The following STAT5B variants were observed in gnomAD, a reference collection of about 807,000 sequenced individuals.
The protein encoded by STAT5B is signal transducer and activator of transcription 5B.
Under a neutral mutation model 107.8 loss-of-function variants are expected in STAT5B, and 21 were observed. The observed-to-expected ratio is 0.19, with a 90% CI of 0.14 to 0.28. STAT5B has a LOEUF of 0.28. Ranked by LOEUF, STAT5B falls within the 10% of genes least tolerant of loss-of-function variation. The pLI is 1.00. For missense variants in STAT5B, 565 were observed against 1,008.2 expected (o/e 0.56, Z 5.95); for synonymous variants, 325 against 401.7 (o/e 0.81, Z 2.28).
chr17:42,235,989 C>A (rs953413907), intron 1 of STAT5B, among the ~76,000 whole-genome samples: 1 of 152,152 alleles, frequency 6.6e-6, no homozygotes. Context: ...AAATGTCACT[C>A]TATTTTGCCT....
In STAT5B at chr17:42,212,086, G is replaced by A. The variant is rs1239194601; in HGVS notation, c.1578C>T (p.Thr526=). The A allele has an allele frequency of 5.6e-6, 9 of 1,614,140 alleles. No individual in the cohort carries two copies. The highest frequency in any genetic ancestry group is 2.2e-5 in the South Asian group (2 of 91,080). ...GCGCCAGGAACACGAGGTTCTCCTT[G>A]GTCAGGCCCCGGTTGCTCTGCACTT... is the stretch of plus-strand genomic sequence containing the variant. ...KAEVQSNRGL[T]KENLVFLAQK... Residue 526 remains threonine, a synonymous_variant, in exon 13 of 19, where the codon ACC becomes ACT. Transcript: ENST00000293328.
intron 1 of STAT5B, among the ~76,000 whole-genome samples, chr17:42,249,467 C>T (rs963848076): frequency 1.3e-5 from 2 of 152,004 alleles, no homozygotes; most frequent in Non-Finnish European, 2.9e-5. Context: ...CCCTAGTCAA[C>T]TGATAAAAAA....
chr17:42,251,892 G>T (rs1402564388), intron 1 of STAT5B, among the ~76,000 whole-genome samples: 5 of 151,802 alleles, frequency 3.3e-5, no homozygotes, highest in Non-Finnish European at 7.4e-5. Context: ...CCAGCTACTG[G>T]GGAGGCTGAG....
intron 17 of STAT5B, 75 bp downstream of exon 17, chr17:42,202,682 G>T: frequency 1.2e-6 from 2 of 1,610,098 alleles, no homozygotes; most frequent in Non-Finnish European, 1.7e-6. Context: ...AGCTGGGCCA[G>T]GATAAGGATG....
At chr17:42,236,648 G>C (rs1191913600) in intron 1 of STAT5B, among the ~76,000 whole-genome samples, 5 of 152,178 alleles carry the variant, frequency 3.3e-5, no homozygotes, top group African/African-American at 7.2e-5. Context: ...TGTTGGCCAG[G>C]TTGGTCTTGA....
intron 1 of STAT5B, among the ~76,000 whole-genome samples, chr17:42,263,123 CT>C (rs1325342603): frequency 1.4e-5 from 2 of 146,976 alleles, no homozygotes; most frequent in Non-Finnish European, 3.0e-5. Flanking sequence ...GCAGCCTCCA[CT>C]TCCCAGGTTC....
chr17:42,207,685 G>A lies in STAT5B; in HGVS notation c.1950C>T (p.Asp650=), dbSNP rs973333781. Residue 650 remains aspartate (D), a synonymous_variant, in exon 16 of 19, where the codon GAC becomes GAT. Coordinates refer to ENST00000293328, the MANE Select transcript of STAT5B (RefSeq NM_012448.4). The stretch of plus-strand genomic sequence containing the variant: ...GGTCGGCTAGGGACCGAATGGAGAA[G>A]TCTCTGGTGGTAAAAGGCATCAGAT... ...FWNLMPFTTR[D]FSIRSLADRL... 1.8e-5 allele frequency: 29 copies of A among 1,614,026 alleles called. No individual in the cohort carries two copies. The highest frequency in any genetic ancestry group is 2.0e-5 in the Non-Finnish European group (24 of 1,180,044).
intron 1 of STAT5B, among the ~76,000 whole-genome samples, chr17:42,265,355 A>C (rs2080658945): frequency 7.4e-6 from 1 of 134,376 alleles, no homozygotes; most frequent in South Asian, 2.6e-4. Context: ...TGAAACTGCT[A>C]AGTCAAAGGG....
intron 15 of STAT5B, 105 bp from the exon 16 acceptor site, chr17:42,207,833 C>A: frequency 9.1e-7 from 1 of 1,098,720 alleles, no homozygotes; most frequent in Non-Finnish European, 1.3e-6. Flanking sequence ...ATAATGGCTC[C>A]AATAGAAATC....
rs138990427 is a variant in STAT5B at position 42,237,482 on chromosome 17, T to C, written c.-10-5345A>G. On this transcript the variant is annotated intron_variant, in intron 1 of 18. Transcript: ENST00000293328. ...CTTGTAGAACACTGTGACCAAGGTC[T>C]TGCCCTAGCTAAACTGCAGTGGAGA... 1.8e-3 allele frequency among the ~76,000 whole-genome samples: 274 copies of C among 152,308 alleles called. 2 individuals are homozygous for C. Among genetic ancestry groups the C allele is most frequent in the South Asian group, 0.011 (55 of 4,830 alleles).
intron 1 of STAT5B, among the ~76,000 whole-genome samples, chr17:42,233,128 C>T (rs531712758): frequency 2.6e-5 from 4 of 152,176 alleles, no homozygotes; most frequent in South Asian, 2.1e-4. Context: ...TGAGCCACTG[C>T]GCCCAGCTGA....
At chr17:42,253,139 T>TC (rs199619204) in intron 1 of STAT5B, among the ~76,000 whole-genome samples, 2,407 of 151,666 alleles carry the variant, frequency 0.016, 55 homozygotes, top group African/African-American at 0.056. Flanking sequence ...TTTCTTTCTT[T>TC]TTTTCATCTC....
Position 42,273,409 on chromosome 17 carries a change from G to T in STAT5B, c.-11+2839C>A, listed in dbSNP as rs186495216. Among the ~76,000 whole-genome samples the T allele has an allele frequency of 3.4e-3, 516 of 152,242 alleles. 1 individual carries two copies. The highest frequency in any genetic ancestry group is 0.01 in the Middle Eastern group (3 of 294). ...ATATTTTATAGTATCAAAATAAAAGGATATTCTTCTCAAGAGTCCAGTAAC... is the reference window on the plus strand; with the variant it reads ...ATATTTTATAGTATCAAAATAAAAGTATATTCTTCTCAAGAGTCCAGTAAC... On this transcript the variant is annotated intron_variant, in intron 1 of 18. Coordinates refer to ENST00000293328, the MANE Select transcript of STAT5B (RefSeq NM_012448.4).
intron 1 of STAT5B, chr17:42,269,461 G>C (rs1181713348): frequency 6.6e-6 from 1 of 152,120 alleles, no homozygotes; most frequent in African/African-American, 2.4e-5. Flanking sequence ...CCCAGTGAAG[G>C]CTTTTAAAAC....
chr17:42,211,281 G>A (rs2080126713), intron 13 of STAT5B, among the ~76,000 whole-genome samples: 1 of 152,064 alleles, frequency 6.6e-6, no homozygotes, highest in Admixed American at 6.6e-5. Context: ...GCCGAGGCGG[G>A]CAGATCACCT....
chr17:42,285,607 C>G, the STAT5B span, among the ~76,000 whole-genome samples: 1 of 152,316 alleles, frequency 6.6e-6, no homozygotes, highest in African/African-American at 2.4e-5. Context: ...CACCAGGGCA[C>G]TTTGTGGTGG....
At chr17:42,203,825 C>T (rs2080065290) in intron 16 of STAT5B, among the ~76,000 whole-genome samples, 1 of 151,944 alleles carries the variant, frequency 6.6e-6, no homozygotes. Flanking sequence ...TGGGGTTTCT[C>T]CATGTTGGTC....
At chr17:42,248,394 C>T (rs16967609) in intron 1 of STAT5B, among the ~76,000 whole-genome samples, 53,515 of 149,190 alleles carry the variant, frequency 0.36, 10,563 homozygotes, top group African/African-American at 0.54. Context: ...AAAACAACAA[C>T]GGTTATCCAG....
At chr17:42,214,742 T>C in intron 12 of STAT5B, 1 of 827,846 alleles carries the variant, frequency 1.2e-6, no homozygotes, top group Non-Finnish European at 1.5e-6. Flanking sequence ...AAATGACCTT[T>C]GCCTACTAAA....
Sources: allele counts gnomAD v4.1 joint callset (sites outside exome capture counted in the v4.1 genomes callset), GRCh38; gene constraint gnomAD v4.1.1; transcripts MANE v1.5; gene names NCBI Gene and HGNC (gene_info 2026-07-23, HGNC 2026-07-21).